The following SLC24A4 variants were observed in gnomAD, a reference collection of about 807,000 sequenced individuals.
SLC24A4 encodes the protein solute carrier family 24 member 4, also known as sodium/potassium/calcium exchanger 4.
SLC24A4 carries 53 observed loss-of-function variants against 79.0 expected under a neutral mutation model. The observed-to-expected ratio is 0.67, with a 90% CI of 0.54 to 0.84. SLC24A4 has a LOEUF of 0.84. Ranked by LOEUF, SLC24A4 falls within the 40% of genes least tolerant of loss-of-function variation. SLC24A4 has a pLI of 0.00. For synonymous variants in SLC24A4, 323 were observed against 323.8 expected (o/e 1.00, Z 0.03); for missense variants, 731 against 822.0 (o/e 0.89, Z 1.35).
intron 2 of SLC24A4, among the ~76,000 whole-genome samples, chr14:92,358,879 T>C (rs573620677): frequency 1.6e-4 from 24 of 151,982 alleles, no homozygotes; most frequent in Non-Finnish European, 2.6e-4. Flanking sequence ...AGAGATAGGA[T>C]TTCACCATGT....
intron 12 of SLC24A4, 32 bp downstream of exon 12, chr14:92,456,640 A>G (rs756024335): frequency 2.5e-6 from 4 of 1,603,676 alleles, no homozygotes; most frequent in Non-Finnish European, 2.6e-6. Flanking sequence ...CTCTCGGGCT[A>G]CATTTTTGGG....
At chr14:92,417,680 A>C (rs1393808453) in intron 2 of SLC24A4, among the ~76,000 whole-genome samples, 2 of 152,300 alleles carry the variant, frequency 1.3e-5, no homozygotes, top group East Asian at 3.9e-4. Context: ...TGCCCTAAAC[A>C]AGTGTACCAT....
At chr14:92,421,171 G>GTT (rs778926180) in intron 2 of SLC24A4, among the ~76,000 whole-genome samples, 9 of 152,200 alleles carry the variant, frequency 5.9e-5, no homozygotes, top group Non-Finnish European at 1.2e-4. Context: ...ACAACAACGA[G>GTT]AAAAACAGTG....
chr14:92,406,477 A>T (rs915084032), intron 2 of SLC24A4, among the ~76,000 whole-genome samples: 7 of 152,206 alleles, frequency 4.6e-5, no homozygotes, highest in Admixed American at 1.3e-4. Flanking sequence ...GAGGTTCTCC[A>T]TGAGGGCTCT....
Position 92,485,114 on chromosome 14 carries a change from C to T in SLC24A4, c.1423-1552C>T, listed in dbSNP as rs185522818. Among the ~76,000 whole-genome samples, 4 of 152,234 alleles carry T rather than the reference C, an allele frequency of 2.6e-5. No homozygotes were observed. In the East Asian group the frequency reaches 7.7e-4, roughly 29 times the overall value. On this transcript the variant is annotated intron_variant, in intron 13 of 16. Transcript: ENST00000532405. ...GCTTCCATGATGAAGATTAAAGTCC[C>T]CACAGCCCACTCCATATGGGGGATG...
intron 2 of SLC24A4, among the ~76,000 whole-genome samples, chr14:92,380,455 C>G (rs1888777755): frequency 6.6e-6 from 1 of 152,146 alleles, no homozygotes; most frequent in Non-Finnish European, 1.5e-5. Context: ...ATACTGGGCT[C>G]AGTAGTACAA....
intron 12 of SLC24A4, among the ~76,000 whole-genome samples, chr14:92,478,132 C>G (rs1016173630): frequency 1.3e-5 from 2 of 152,150 alleles, no homozygotes; most frequent in African/African-American, 4.8e-5. Context: ...TAATAGTATT[C>G]TATGAATCAC....
At chr14:92,383,154 C>T (rs1164805334) in intron 2 of SLC24A4, among the ~76,000 whole-genome samples, 1 of 152,208 alleles carries the variant, frequency 6.6e-6, no homozygotes, top group East Asian at 1.9e-4. Context: ...GCGTTCTTCT[C>T]ACAGTCACGT....
At chr14:92,372,981 CT>C (rs1888282321) in intron 2 of SLC24A4, among the ~76,000 whole-genome samples, 1 of 136,466 alleles carries the variant, frequency 7.3e-6, no homozygotes, top group African/African-American at 2.6e-5. Flanking sequence ...CCCCCCCTCC[CT>C]CTCCCTCTCT....
chr14:92,341,936 T>C (rs990024606), intron 2 of SLC24A4, among the ~76,000 whole-genome samples: 1 of 152,248 alleles, frequency 6.6e-6, no homozygotes, highest in African/African-American at 2.4e-5. Flanking sequence ...TGCTTGTTTT[T>C]TCCTTAGCCA....
chr14:92,491,892 C>A (rs1895691434), intron 15 of SLC24A4, 115 bp downstream of exon 15: 1 of 820,738 alleles, frequency 1.2e-6, no homozygotes, highest in Non-Finnish European at 2.0e-6. Flanking sequence ...CACTCAGACA[C>A]CCATTTTCCA....
At chr14:92,385,627 T>C (rs901416858) in intron 2 of SLC24A4, among the ~76,000 whole-genome samples, 1 of 152,164 alleles carries the variant, frequency 6.6e-6, no homozygotes, top group Non-Finnish European at 1.5e-5. Context: ...TTCCTATTGC[T>C]GAAGAGGAGA....
chr14:92,371,750 A>G (rs923966768), intron 2 of SLC24A4, among the ~76,000 whole-genome samples: 5 of 152,208 alleles, frequency 3.3e-5, no homozygotes, highest in Non-Finnish European at 7.4e-5. Context: ...AGAACCTTAA[A>G]TGTCACCCCA....
chr14:92,427,575 C>T (rs969436967), intron 2 of SLC24A4, among the ~76,000 whole-genome samples: 3 of 152,150 alleles, frequency 2.0e-5, no homozygotes, highest in Admixed American at 6.5e-5. Context: ...GAGAGGATGG[C>T]GGCAGAGGGA....
intron 2 of SLC24A4, among the ~76,000 whole-genome samples, chr14:92,414,939 G>C (rs1294561212): frequency 6.6e-6 from 1 of 152,208 alleles, no homozygotes; most frequent in East Asian, 1.9e-4. Context: ...GTCACCATGT[G>C]CTCTGGAATT....
At chr14:92,491,833 GC>G in intron 15 of SLC24A4, 56 bp downstream of exon 15, 1 of 1,404,736 alleles carries the variant, frequency 7.1e-7, no homozygotes. Flanking sequence ...AGTGGTGTTG[GC>G]CCAGTTCCAG....
chr14:92,401,761 T>C (rs1008203256), intron 2 of SLC24A4, among the ~76,000 whole-genome samples: 3 of 152,250 alleles, frequency 2.0e-5, no homozygotes, highest in African/African-American at 7.2e-5. Context: ...TGCCCTGAGG[T>C]GTGTCTGCCC....
chr14:92,374,184 G>C lies in SLC24A4; in HGVS notation c.241+48206G>C, dbSNP rs1595181474. 5.9e-5 allele frequency among the ~76,000 whole-genome samples: 9 copies of C among 152,294 alleles called. No individual in the cohort carries two copies. In the South Asian group the frequency reaches 1.9e-3, roughly 32 times the overall value. On this transcript the variant is annotated intron_variant, in intron 2 of 16. Transcript: ENST00000532405. ...GAAGCATGGTTCTGGGGACCATTAG[G>C]AATGATTTTGGCACTGCATGATTTT...
chr14:92,369,068 C>G (rs538502950), intron 2 of SLC24A4, among the ~76,000 whole-genome samples: 4 of 152,192 alleles, frequency 2.6e-5, no homozygotes, highest in Non-Finnish European at 5.9e-5. Context: ...CCTGAAACAG[C>G]CTGATCACCC....
Sources: gnomAD v4.1 joint callset for allele counts (sites outside exome capture counted in the v4.1 genomes callset) on GRCh38, gnomAD v4.1.1 for gene constraint, MANE v1.5 for transcripts, NCBI Gene and HGNC (gene_info 2026-07-23, HGNC 2026-07-21) for gene names.